FSIP1: variants seen among roughly 807,000 people sequenced by gnomAD.
FSIP1 encodes the protein fibrous sheath-interacting protein 1.
A neutral mutation model predicts 60.9 loss-of-function variants in FSIP1; 65 were observed. The ratio of observed to expected loss-of-function variants is 1.07; its 90% CI spans 0.87 to 1.31. FSIP1 has a LOEUF of 1.31. Ranked by LOEUF, FSIP1 falls within the 40% of genes most tolerant of loss-of-function variation. FSIP1 has a pLI of 0.00. For synonymous variants in FSIP1, 209 were observed against 221.2 expected, an observed-to-expected ratio of 0.94 and a Z score of 0.49; for missense variants, 675 against 665.5, an observed-to-expected ratio of 1.01 and a Z score of -0.16.
At chr15:39,626,128 T>C (rs570939043) in intron 10 of FSIP1, among the ~76,000 whole-genome samples, 43 of 152,310 alleles carry the variant, frequency 2.8e-4, no homozygotes, top group African/African-American at 9.6e-4. Context: ...AATCAGCTGA[T>C]AGATGAGTCA....
At chr15:39,671,333 T>C (rs16969544) in intron 10 of FSIP1, among the ~76,000 whole-genome samples, 7,153 of 152,278 alleles carry the variant, frequency 0.047, 567 homozygotes, top group African/African-American at 0.16. Context: ...TATCCTTTAG[T>C]TCATTATGAT....
rs919310264 is a variant in FSIP1 at position 39,639,672 on chromosome 15, T to C, written c.1189-21427A>G. Among the ~76,000 whole-genome samples the C allele has an allele frequency of 3.2e-4, 48 of 152,294 alleles. 1 individual carries two copies. The highest frequency in any genetic ancestry group is 1.2e-3 in the African/African-American group (48 of 41,562). ...CTACCATAAAGTATACAGCAGTATATGGAGAGCATTTTTACTGTTTAAAAT... is the reference window on the plus strand; with the variant it reads ...CTACCATAAAGTATACAGCAGTATACGGAGAGCATTTTTACTGTTTAAAAT... On this transcript the variant is annotated intron_variant, in intron 10 of 11. Transcript: ENST00000350221.
At chr15:39,755,197 T>C (rs566517902) in intron 5 of FSIP1, among the ~76,000 whole-genome samples, 3 of 151,796 alleles carry the variant, frequency 2.0e-5, no homozygotes, top group South Asian at 2.1e-4. Flanking sequence ...GCCAGAGAGA[T>C]TGAAGCTCTA....
chr15:39,690,262 G>A (rs555748684), intron 10 of FSIP1, among the ~76,000 whole-genome samples: 42 of 152,292 alleles, frequency 2.8e-4, no homozygotes, highest in Admixed American at 1.0e-3. Context: ...ATGTTAATCA[G>A]GGGAGTGACA....
chr15:39,634,405 TATC>T (rs1466007409), intron 10 of FSIP1, among the ~76,000 whole-genome samples: 1 of 152,178 alleles, frequency 6.6e-6, no homozygotes, highest in African/African-American at 2.4e-5. Flanking sequence ...TGCTCTTGTC[TATC>T]ACACCAATGC....
intron 10 of FSIP1, among the ~76,000 whole-genome samples, chr15:39,696,555 C>T (rs1894820170): frequency 6.6e-6 from 1 of 152,188 alleles, no homozygotes; most frequent in South Asian, 2.1e-4. Flanking sequence ...AATTTGGCAA[C>T]ACACAGCCAA....
intron 5 of FSIP1, 54 bp from the exon 6 acceptor site, chr15:39,741,954 G>GTCT: frequency 1.1e-6 from 1 of 950,326 alleles, no homozygotes; most frequent in Non-Finnish European, 1.7e-6. Flanking sequence ...TTAAGTAGTT[G>GTCT]TCTACAAAAT....
intron 1 of FSIP1, among the ~76,000 whole-genome samples, chr15:39,781,834 A>G (rs890882089): frequency 6.6e-6 from 1 of 152,230 alleles, no homozygotes; most frequent in Non-Finnish European, 1.5e-5. Context: ...AAATACAAAG[A>G]GCACTAGGGA....
chr15:39,677,994 CA>C (rs113315024), intron 10 of FSIP1, among the ~76,000 whole-genome samples: 5,015 of 100,766 alleles, frequency 0.05, 236 homozygotes, highest in African/African-American at 0.16. Flanking sequence ...GAATTCGTCT[CA>C]AAAAAAAAAA....
Position 39,637,549 on chromosome 15 carries a change from A to T in FSIP1, c.1189-19304T>A, listed in dbSNP as rs1595559191. Among the ~76,000 whole-genome samples the T allele has an allele frequency of 2.6e-5, 4 of 152,316 alleles. No individual in the cohort carries two copies. The South Asian group carries it at 8.3e-4, about 32-fold the overall frequency. ...CCACCACTGCCACTTCAGTAAACTG[A>T]TGTTTCTATCATCACTGTACACATT... On this transcript the variant is annotated intron_variant, in intron 10 of 11. Transcript: ENST00000350221.
chr15:39,666,913 A>C (rs1893517135), intron 10 of FSIP1, among the ~76,000 whole-genome samples: 1 of 152,250 alleles, frequency 6.6e-6, no homozygotes, highest in Admixed American at 6.5e-5. Flanking sequence ...AGCATAAAAT[A>C]GCCAAGAAGC....
intron 10 of FSIP1, among the ~76,000 whole-genome samples, chr15:39,660,428 G>A (rs1893252774): frequency 6.6e-6 from 1 of 152,218 alleles, no homozygotes; most frequent in Non-Finnish European, 1.5e-5. Context: ...AGAGATCACT[G>A]AGTATTTATG....
intron 5 of FSIP1, among the ~76,000 whole-genome samples, chr15:39,753,393 C>A (rs1445166591): frequency 6.6e-6 from 1 of 151,726 alleles, no homozygotes; most frequent in Admixed American, 6.6e-5. Context: ...CAACTTCACC[C>A]CCTATACCAT....
At chr15:39,653,375 A>G in intron 10 of FSIP1, among the ~76,000 whole-genome samples, 1 of 152,136 alleles carries the variant, frequency 6.6e-6, no homozygotes, top group Admixed American at 6.5e-5. Flanking sequence ...TCTTTTTTCA[A>G]TAGTGAATTA....
chr15:39,679,317 T>C (rs549501269), intron 10 of FSIP1, among the ~76,000 whole-genome samples: 3 of 152,118 alleles, frequency 2.0e-5, no homozygotes, highest in Non-Finnish European at 4.4e-5. Context: ...AAGACAAATA[T>C]TGTAAGGCCT....
chr15:39,774,919 A>T (rs1201554875), intron 2 of FSIP1, among the ~76,000 whole-genome samples: 1 of 152,166 alleles, frequency 6.6e-6, no homozygotes, highest in Non-Finnish European at 1.5e-5. Context: ...GAGAACCCAT[A>T]ATCCAGGTAT....
intron 9 of FSIP1, among the ~76,000 whole-genome samples, chr15:39,723,323 G>A (rs1896059303): frequency 6.6e-6 from 1 of 152,104 alleles, no homozygotes; most frequent in African/African-American, 2.4e-5. Flanking sequence ...CTGCCTCCCG[G>A]GTTCACGCCA....
At chr15:39,680,244 A>G (rs889057079) in intron 10 of FSIP1, among the ~76,000 whole-genome samples, 1 of 152,272 alleles carries the variant, frequency 6.6e-6, no homozygotes, top group African/African-American at 2.4e-5. Context: ...GAGAATATAA[A>G]CAAGTTTACA....
chr15:39,774,130 G>A (rs1056824759), intron 2 of FSIP1, among the ~76,000 whole-genome samples: 2 of 152,138 alleles, frequency 1.3e-5, no homozygotes, highest in African/African-American at 4.8e-5. Context: ...AATCTGTAAA[G>A]TCAAAGCAAT....
Sources: gnomAD v4.1 joint callset for allele counts (sites outside exome capture counted in the v4.1 genomes callset) on GRCh38, gnomAD v4.1.1 for gene constraint, MANE v1.5 for transcripts, NCBI Gene and HGNC (gene_info 2026-07-23, HGNC 2026-07-21) for gene names.